The following CEP63 variants were observed in gnomAD, a reference collection of about 807,000 sequenced individuals.
The protein encoded by CEP63 is centrosomal protein of 63 kDa.
A neutral mutation model predicts 89.1 loss-of-function variants in CEP63; 84 were observed. That is an observed-to-expected ratio of 0.94 (90% CI 0.79 to 1.13). The LOEUF is 1.13. Ranked by LOEUF, CEP63 falls within the 50% of genes most tolerant of loss-of-function variation. The pLI is 0.00. For synonymous variants in CEP63, 267 were observed against 272.5 expected (o/e 0.98, Z 0.20); for missense variants, 838 against 813.3 (o/e 1.03, Z -0.37).
chr3:134,537,393 T>G, intron 6 of CEP63, 125 bp downstream of exon 6: 1 of 693,642 alleles, frequency 1.4e-6, no homozygotes, highest in Non-Finnish European at 2.7e-6. Context: ...CCTGCTCTCT[T>G]GTTTAGGAAG....
At chr3:134,491,206 T>C (rs183636340) in intron 1 of CEP63, among the ~76,000 whole-genome samples, 10 of 152,356 alleles carry the variant, frequency 6.6e-5, no homozygotes, top group Non-Finnish European at 1.5e-5. Flanking sequence ...TATGAGTGCC[T>C]GTTGTCCCAC....
At chr3:134,608,661 T>A in the CEP63 span, 10,104 of 1,614,020 alleles carry the variant, frequency 6.3e-3, 48 homozygotes, top group Non-Finnish European at 8.2e-3. Context: ...GTTCTGATCA[T>A]GGAAGTCTCT....
chr3:134,516,161 A>G (rs540964718), intron 3 of CEP63, among the ~76,000 whole-genome samples: 3 of 152,172 alleles, frequency 2.0e-5, no homozygotes, highest in Non-Finnish European at 4.4e-5. Context: ...TCATAGGATA[A>G]TAGTGGAGAG....
In CEP63 at chr3:134,547,470, C is replaced by T; in HGVS notation, c.1065C>T (p.Gly355=). The change falls in exon 9 of 15, where the codon GGC becomes GGT. Residue 355 remains glycine (G), a splice_region_variant and synonymous_variant. Coordinates refer to ENST00000675561, the MANE Select transcript of CEP63 (RefSeq NM_001353108.3). ...AGGCAGAGGTGACTTGTCTTGAAGG[C>T]AGGTACATAATTATACACACATTTC... The part of the protein sequence containing the change: ...LLQAEVTCLE[G]SLESVSATCK... 6.2e-7 allele frequency: 1 copy of T among 1,613,284 alleles called. No individual in the cohort carries two copies. Among genetic ancestry groups the T allele is most frequent in the Non-Finnish European group, 8.5e-7 (1 of 1,179,486 alleles).
chr3:134,750,287 G>A, the CEP63 span, among the ~76,000 whole-genome samples: 1 of 152,170 alleles, frequency 6.6e-6, no homozygotes, highest in Non-Finnish European at 1.5e-5. Flanking sequence ...TTTGGCCAGA[G>A]CCCCTCCGTC....
chr3:134,661,491 A>T, the CEP63 span, among the ~76,000 whole-genome samples: 1 of 152,192 alleles, frequency 6.6e-6, no homozygotes, highest in African/African-American at 2.4e-5. Context: ...AGATGAACGA[A>T]TCTCTCTCAT....
the CEP63 span, among the ~76,000 whole-genome samples, chr3:134,646,203 G>A: frequency 1.3e-5 from 2 of 152,172 alleles, no homozygotes; most frequent in Admixed American, 6.5e-5. Context: ...AGTTTTGTTA[G>A]CTTTGGCGTC....
At chr3:134,485,991 G>GGCCCCCCC, upstream of CEP63, 51 of 938,068 alleles carry the variant, frequency 5.4e-5, no homozygotes, top group Non-Finnish European at 5.6e-5. Flanking sequence ...CTCCTGCCAC[G>GGCCCCCCC]CCCCCCCCCC....
At chr3:134,601,984 T>TACCAAGGCA in the CEP63 span, among the ~76,000 whole-genome samples, 4 of 266 alleles carry the variant, frequency 0.015, no homozygotes, top group African/African-American at 0.041. Flanking sequence ...ATCTGGTACT[T>TACCAAGGCA]CTGTGAGCAT....
At chr3:134,740,312 T>A in the CEP63 span, among the ~76,000 whole-genome samples, 1 of 137,348 alleles carries the variant, frequency 7.3e-6, no homozygotes, top group Non-Finnish European at 1.6e-5. Flanking sequence ...ATTTATTTAT[T>A]TTTGAGATGG....
chr3:134,731,863 C>A, the CEP63 span, among the ~76,000 whole-genome samples: 2 of 151,978 alleles, frequency 1.3e-5, no homozygotes, highest in Admixed American at 1.3e-4. Flanking sequence ...AAAACCACTG[C>A]CAGAAAAAAG....
chr3:134,724,941 C>T, the CEP63 span, among the ~76,000 whole-genome samples: 1 of 152,066 alleles, frequency 6.6e-6, no homozygotes, highest in East Asian at 1.9e-4. Context: ...TTAAAAAAAG[C>T]TTTTCTAAAC....
the CEP63 span, chr3:134,606,911 C>T: frequency 4.1e-6 from 4 of 985,154 alleles, no homozygotes; most frequent in Non-Finnish European, 4.8e-6. Context: ...CCCTTCCTTT[C>T]TGCTCATCTC....
At chr3:134,698,054 AG>A in the CEP63 span, among the ~76,000 whole-genome samples, 2 of 152,230 alleles carry the variant, frequency 1.3e-5, no homozygotes, top group African/African-American at 4.8e-5. Context: ...CATTCTGCTC[AG>A]GGTGTCTGAT....
chr3:134,651,409 C>G, the CEP63 span: 1 of 1,086,290 alleles, frequency 9.2e-7, no homozygotes, highest in African/African-American at 1.7e-5. Flanking sequence ...CGAGAAGCCC[C>G]TGGCAAATAC....
chr3:134,505,594 C>T (rs1943255175), intron 2 of CEP63, among the ~76,000 whole-genome samples: 2 of 152,080 alleles, frequency 1.3e-5, no homozygotes, highest in African/African-American at 2.4e-5. Context: ...TCCCCAGGCC[C>T]GTGGGTGACA....
intron 3 of CEP63, among the ~76,000 whole-genome samples, chr3:134,527,448 T>A (rs1162863737): frequency 2.6e-5 from 4 of 152,050 alleles, no homozygotes; most frequent in Non-Finnish European, 5.9e-5. Context: ...GCTGGTTTGG[T>A]GCCCACCAAG....
At chr3:134,760,204 G>C in the CEP63 span, among the ~76,000 whole-genome samples, 1 of 151,766 alleles carries the variant, frequency 6.6e-6, no homozygotes, top group Non-Finnish European at 1.5e-5. Flanking sequence ...GACTACAGGC[G>C]CCCGCCACCA....
At chr3:134,600,910 A>G in the CEP63 span, 2 of 152,236 alleles carry the variant, frequency 1.3e-5, no homozygotes, top group East Asian at 3.9e-4. Flanking sequence ...GAAAGCACCT[A>G]GTGATTTTAA....
Sources: gnomAD v4.1 joint callset for allele counts (sites outside exome capture counted in the v4.1 genomes callset) on GRCh38, gnomAD v4.1.1 for gene constraint, MANE v1.5 for transcripts, NCBI Gene and HGNC (gene_info 2026-07-23, HGNC 2026-07-21) for gene names.